Variants in CLDN10 observed in about 807,000 individuals in gnomAD.
CLDN10 encodes claudin-10.
CLDN10 carries 15 observed loss-of-function variants against 22.9 expected under a neutral mutation model. The ratio of observed to expected loss-of-function variants is 0.65; its 90% confidence interval spans 0.44 to 1.01. The LOEUF (loss-of-function observed/expected upper bound fraction) is 1.01, where lower values mean the gene tolerates loss of function less well. Among genes scored for constraint, CLDN10 ranks in the 50% least tolerant of loss-of-function variants. The pLI is 0.00. For missense variants in CLDN10, 247 were observed against 287.8 expected, an observed-to-expected ratio of 0.86 and a Z score of 1.03; for synonymous variants, 114 against 111.4, an observed-to-expected ratio of 1.02 and a Z score of -0.15.
chr13:95,454,216 G>A (rs2042460755), intron 1 of CLDN10, among the ~76,000 whole-genome samples: 1 of 152,148 alleles, frequency 6.6e-6, no homozygotes, highest in Non-Finnish European at 1.5e-5. Flanking sequence ...GAGGCGGGTG[G>A]ATCACCTGAG....
At chr13:95,433,817 G>A (rs1322625247) in exon 1 of CLDN10, 1 of 1,613,162 alleles carries the variant, frequency 6.2e-7, no homozygotes, top group African/African-American at 1.3e-5. Flanking sequence ...CAGTGTCACT[G>A]GAGAAGGCGG....
chr13:95,462,550 G>T (rs1360458059), intron 1 of CLDN10, among the ~76,000 whole-genome samples: 1 of 152,188 alleles, frequency 6.6e-6, no homozygotes, highest in Non-Finnish European at 1.5e-5. Context: ...CTATCACACG[G>T]TTCCCTTTAC....
chr13:95,442,336 G>A (rs767294323), intron 1 of CLDN10, among the ~76,000 whole-genome samples: 2 of 152,218 alleles, frequency 1.3e-5, no homozygotes, highest in Non-Finnish European at 2.9e-5. Flanking sequence ...CAGGACTGCA[G>A]TAGCTGCCTC....
chr13:95,575,797 G>C (rs1594625228), intron 3 of CLDN10, among the ~76,000 whole-genome samples: 1 of 152,196 alleles, frequency 6.6e-6, no homozygotes, highest in South Asian at 2.1e-4. Flanking sequence ...GGCAACACAA[G>C]AGTGAGTAAA....
chr13:95,518,533 A>G (rs115484362), intron 1 of CLDN10, among the ~76,000 whole-genome samples: 1,542 of 152,206 alleles, frequency 0.01, 26 homozygotes, highest in African/African-American at 0.035. Flanking sequence ...AGGAAGGTGG[A>G]TTGCTTGAGG....
intron 1 of CLDN10, among the ~76,000 whole-genome samples, chr13:95,489,666 T>C (rs1205896162): frequency 6.6e-6 from 1 of 152,248 alleles, no homozygotes; most frequent in Non-Finnish European, 1.5e-5. Context: ...ACTCTGTGGT[T>C]GTCTGTTTAC....
chr13:95,517,297 G>C (rs933789421), intron 1 of CLDN10, among the ~76,000 whole-genome samples: 1 of 152,102 alleles, frequency 6.6e-6, no homozygotes, highest in Non-Finnish European at 1.5e-5. Context: ...CAAATAAGTC[G>C]GGGCAGCCAT....
intron 1 of CLDN10, among the ~76,000 whole-genome samples, chr13:95,475,018 G>T (rs1321758698): frequency 6.6e-6 from 1 of 152,166 alleles, no homozygotes; most frequent in African/African-American, 2.4e-5. Context: ...CAGGTCTCTT[G>T]TGTTTTGGCT....
intron 1 of CLDN10, among the ~76,000 whole-genome samples, chr13:95,535,229 G>C (rs889757155): frequency 2.6e-5 from 4 of 152,082 alleles, no homozygotes; most frequent in Non-Finnish European, 5.9e-5. Flanking sequence ...GCCCGTGAAG[G>C]GTTTTAAAGG....
intron 1 of CLDN10, among the ~76,000 whole-genome samples, chr13:95,478,741 CATT>C (rs2042709982): frequency 6.6e-6 from 1 of 152,218 alleles, no homozygotes; most frequent in South Asian, 2.1e-4. Flanking sequence ...CTGGCGGTTT[CATT>C]AAGGTTCCGC....
intron 3 of CLDN10, among the ~76,000 whole-genome samples, chr13:95,568,427 G>A (rs1470325824): frequency 6.6e-6 from 1 of 152,064 alleles, no homozygotes; most frequent in Non-Finnish European, 1.5e-5. Context: ...TTTTGTTTTT[G>A]CTGACCAGTG....
chr13:95,459,646 A>G (rs1224528672), intron 1 of CLDN10, among the ~76,000 whole-genome samples: 1 of 152,098 alleles, frequency 6.6e-6, no homozygotes, highest in African/African-American at 2.4e-5. Flanking sequence ...GGCCCATGAA[A>G]CCAGTTTTTC....
chr13:95,434,187 A>G (rs2042240711), intron 1 of CLDN10: 1 of 694,940 alleles, frequency 1.4e-6, no homozygotes, highest in Non-Finnish European at 2.5e-6. Context: ...CCTAGGAAGG[A>G]TGGGGTGTAT....
intron 1 of CLDN10, among the ~76,000 whole-genome samples, chr13:95,492,704 T>C (rs2060094011): frequency 6.6e-6 from 1 of 152,136 alleles, no homozygotes; most frequent in African/African-American, 2.4e-5. Flanking sequence ...CCCTTTCAAA[T>C]TGTTATAAAG....
At chr13:95,452,851 T>C (rs2042444579) in intron 1 of CLDN10, among the ~76,000 whole-genome samples, 1 of 152,252 alleles carries the variant, frequency 6.6e-6, no homozygotes, top group African/African-American at 2.4e-5. Flanking sequence ...AATAATTTTC[T>C]AACAATAAAT....
intron 1 of CLDN10, among the ~76,000 whole-genome samples, chr13:95,452,151 G>A (rs1370050267): frequency 1.3e-5 from 2 of 152,112 alleles, no homozygotes; most frequent in East Asian, 1.9e-4. Context: ...GGCAATTTCC[G>A]AAACATACCC....
chr13:95,521,515 G>A (rs2043224292), intron 1 of CLDN10, among the ~76,000 whole-genome samples: 1 of 152,034 alleles, frequency 6.6e-6, no homozygotes, highest in Non-Finnish European at 1.5e-5. Flanking sequence ...ACCAAACTCT[G>A]CGATGTCAAA....
intron 3 of CLDN10, among the ~76,000 whole-genome samples, chr13:95,575,589 T>TGGTGTGTGTGTGTG (rs1566346896): frequency 1.9e-3 from 187 of 99,410 alleles, no homozygotes; most frequent in African/African-American, 5.5e-3. Flanking sequence ...GCTGCTCAGT[T>TGGTGTGTGTGTGTG]CGTGTGTGTG....
Position 95,552,938 on chromosome 13 carries a change from A to G in CLDN10, c.185A>G (p.Asn62Ser), listed in dbSNP as rs374282781. The G allele has an allele frequency of 7.4e-6, 12 of 1,613,872 alleles. No individual in the cohort carries two copies. Among genetic ancestry groups the G allele is most frequent in the African/African-American group, 2.7e-5 (2 of 74,904 alleles). ...ACVTDSTGVS[N>S]CKDFPSMLAL... Reference sequence around the variant, plus strand: ...GTTACCGACTCCACGGGCGTCTCCAACTGCAAGGACTTCCCCTCCATGCTG... The same window carrying G: ...GTTACCGACTCCACGGGCGTCTCCAGCTGCAAGGACTTCCCCTCCATGCTG... Residue 62 changes from asparagine to serine, a missense_variant, in exon 1 of 5, where the codon AAC (asparagine) becomes AGC (serine). Physicochemically the swap from Asn to Ser is conservative, Grantham distance 46 (BLOSUM62 1). Coordinates refer to ENST00000299339, the MANE Select transcript of CLDN10 (RefSeq NM_006984.5).
Sources: gnomAD v4.1 joint callset for allele counts (sites outside exome capture counted in the v4.1 genomes callset) on GRCh38, gnomAD v4.1.1 for gene constraint, MANE v1.5 for transcripts, NCBI Gene and HGNC (gene_info 2026-07-23, HGNC 2026-07-21) for gene names.